The following STAB2 variants were observed in gnomAD, a reference collection of about 807,000 sequenced individuals.
STAB2 encodes the protein stabilin-2.
STAB2 carries 288 observed loss-of-function variants against 338.1 expected under a neutral mutation model. That is an observed-to-expected ratio of 0.85 (90% CI 0.77 to 0.94). The LOEUF is 0.94. Among genes scored for constraint, STAB2 ranks in the 40% least tolerant of loss-of-function variants. The probability of loss-of-function intolerance (pLI) is 0.00; values close to 1 mark genes in which losing one functional copy is unlikely to be tolerated. For synonymous variants in STAB2, 1,202 were observed against 1,193.3 expected, an observed-to-expected ratio of 1.01 and a Z score of -0.15; for missense variants, 3,141 against 3,210.1, an observed-to-expected ratio of 0.98 and a Z score of 0.52.
chr12:103,648,943 G>C (rs1380932979), intron 10 of STAB2, 120 bp downstream of exon 10: 2 of 1,400,728 alleles, frequency 1.4e-6, no homozygotes, highest in Non-Finnish European at 1.9e-6. Flanking sequence ...AGCCTTTTTG[G>C]AGGGGTCATG....
In STAB2 at chr12:103,683,367, A is replaced by G. The variant is rs868525123; in HGVS notation, c.2901+67A>G. 2.1e-5 allele frequency: 30 copies of G among 1,426,744 alleles called. No homozygotes were observed. The African/African-American group carries it at 3.3e-4, about 16-fold the overall frequency. 88.4% of individuals were successfully genotyped at this position (1,426,744 alleles called of 1,614,324 possible). ...AAAAAACAATGCTTGAGAAAGAAAG[A>G]TTATTTCCTGTCTGGCCTAGTGATG... On this transcript the variant is annotated intron_variant, in intron 26 of 68. Coordinates refer to ENST00000388887, the MANE Select transcript of STAB2 (RefSeq NM_017564.10).
At chr12:103,666,983 A>G (rs1875167843) in intron 19 of STAB2, among the ~76,000 whole-genome samples, 1 of 152,244 alleles carries the variant, frequency 6.6e-6, no homozygotes, top group South Asian at 2.1e-4. Flanking sequence ...TTGTGCAATG[A>G]TCTATCATTC....
chr12:103,735,419 G>T, intron 51 of STAB2, 72 bp from the exon 52 acceptor site: 1 of 1,159,188 alleles, frequency 8.6e-7, no homozygotes. Flanking sequence ...TGGTTTTTTG[G>T]TAAAGCTCCT....
chr12:103,723,697 G>T (rs891710517), intron 44 of STAB2, among the ~76,000 whole-genome samples: 1 of 152,208 alleles, frequency 6.6e-6, no homozygotes. Flanking sequence ...GCCCAGGAGG[G>T]CTAGGGATTT....
At chr12:103,724,207 A>G (rs1235118945) in intron 44 of STAB2, among the ~76,000 whole-genome samples, 1 of 152,254 alleles carries the variant, frequency 6.6e-6, no homozygotes, top group Admixed American at 6.5e-5. Flanking sequence ...CAGCACAGCC[A>G]GGACATTGCC....
chr12:103,605,224 G>C (rs1488748885), intron 3 of STAB2, among the ~76,000 whole-genome samples: 5 of 151,776 alleles, frequency 3.3e-5, no homozygotes. Flanking sequence ...AAATTTGTGA[G>C]GTTAAGCTAA....
Position 103,675,946 on chromosome 12 carries a change from A to T in STAB2, c.2571A>T (p.Gly857=). Residue 857 remains glycine, a synonymous_variant, in exon 24 of 69, where the codon GGA becomes GGT. Coordinates refer to ENST00000388887, the MANE Select transcript of STAB2 (RefSeq NM_017564.10). Reference sequence around the variant, plus strand: ...TTTGCAGTTGTATTTGCAAAGCAGGATATGAAGGAGATGGAACTCTGTGTT... The same window carrying T: ...TTTGCAGTTGTATTTGCAAAGCAGGTTATGAAGGAGATGGAACTCTGTGTT... The part of the protein sequence containing the change: ...NGTASCICKA[G]YEGDGTLCSE... The T allele has an allele frequency of 6.2e-7, 1 of 1,610,308 alleles. No individual in the cohort carries two copies.
chr12:103,706,916 G>C lies in STAB2; in HGVS notation c.4121G>C (p.Cys1374Ser). ...GTGAATGGCACAGGTGTGTGTGAGTGTGGGGAGGGCTTCAGCGGCACAGCC... is the reference window on the plus strand; with the variant it reads ...GTGAATGGCACAGGTGTGTGTGAGTCTGGGGAGGGCTTCAGCGGCACAGCC... ...DGVNGTGVCE[C>S]GEGFSGTACE... The change falls in exon 38 of 69, where the codon TGT (cysteine) becomes TCT (serine). Residue 1374 changes from cysteine to serine, a missense_variant. By Grantham distance (112) the Cys-to-Ser change is moderately radical. Coordinates refer to ENST00000388887, the MANE Select transcript of STAB2 (RefSeq NM_017564.10). The C allele has an allele frequency of 1.2e-6, 2 of 1,614,238 alleles. No individual in the cohort carries two copies. The highest frequency in any genetic ancestry group is 1.7e-6 in the Non-Finnish European group (2 of 1,180,046).
At chr12:103,744,368 T>C (rs1386721788) in intron 56 of STAB2, among the ~76,000 whole-genome samples, 1 of 151,614 alleles carries the variant, frequency 6.6e-6, no homozygotes, top group African/African-American at 2.4e-5. Flanking sequence ...CCCAGACTGG[T>C]CTCAAACTCC....
intron 1 of STAB2, among the ~76,000 whole-genome samples, chr12:103,589,971 G>A (rs1956770943): frequency 6.6e-6 from 1 of 152,198 alleles, no homozygotes; most frequent in African/African-American, 2.4e-5. Context: ...CACTTAGCAA[G>A]ATATAGAGTT....
chr12:103,736,136 T>C (rs917098239), intron 52 of STAB2, among the ~76,000 whole-genome samples: 5 of 152,374 alleles, frequency 3.3e-5, no homozygotes, highest in Non-Finnish European at 4.4e-5. Flanking sequence ...GCCAAAATCC[T>C]GTGACTTAAA....
chr12:103,731,445 C>A, intron 49 of STAB2, 131 bp from the exon 50 acceptor site: 1 of 792,650 alleles, frequency 1.3e-6, no homozygotes, highest in Non-Finnish European at 2.0e-6. Context: ...AGAGTTGGAG[C>A]AGGTGCTGAT....
chr12:103,741,935 C>G (rs1882618945), intron 55 of STAB2, among the ~76,000 whole-genome samples: 1 of 152,216 alleles, frequency 6.6e-6, no homozygotes, highest in African/African-American at 2.4e-5. Flanking sequence ...CTCCACCCTC[C>G]ATCACTAAAG....
chr12:103,648,588 G>A (rs1451111141), intron 9 of STAB2, 102 bp from the exon 10 acceptor site: 2 of 1,475,104 alleles, frequency 1.4e-6, no homozygotes, highest in African/African-American at 2.8e-5. Context: ...ATTCAACCCT[G>A]GGCATCCTTT....
In STAB2 at chr12:103,731,647, G is replaced by C. The variant is rs778798967; in HGVS notation, c.5283+12G>C. 1 of 1,610,454 alleles carries C rather than the reference G, an allele frequency of 6.2e-7. No homozygotes were observed. Among genetic ancestry groups the C allele is most frequent in the South Asian group, 1.1e-5 (1 of 89,966 alleles). On this transcript the variant is annotated intron_variant, in intron 50 of 68. Transcript: ENST00000388887. The stretch of plus-strand genomic sequence containing the variant: ...GCAACTTAATACAGGTAAAAATTTA[G>C]GGGAAGTTGACTCAGAGGATAACCT...
At chr12:103,669,494 G>T (rs1405957664) in intron 20 of STAB2, 47 bp from the exon 21 acceptor site, 12 of 1,458,076 alleles carry the variant, frequency 8.2e-6, no homozygotes, top group African/African-American at 1.4e-5. Context: ...TGAGGAATTG[G>T]TGCTCTACTT....
At chr12:103,723,173 G>T (rs1880903243) in intron 44 of STAB2, among the ~76,000 whole-genome samples, 1 of 152,108 alleles carries the variant, frequency 6.6e-6, no homozygotes, top group African/African-American at 2.4e-5. Flanking sequence ...AAGGTGAGGA[G>T]TGGAATGTCA....
chr12:103,759,904 G>A (rs1884413580), intron 65 of STAB2, among the ~76,000 whole-genome samples: 1 of 152,186 alleles, frequency 6.6e-6, no homozygotes, highest in Admixed American at 6.5e-5. Context: ...AAGAACAGTT[G>A]GGATCAAGAG....
intron 20 of STAB2, 25 bp from the exon 21 acceptor site, chr12:103,669,516 G>A (rs1042033442): frequency 6.2e-7 from 1 of 1,603,668 alleles, no homozygotes; most frequent in South Asian, 1.1e-5. Flanking sequence ...GGGGTTCAAA[G>A]GGGAACACGC....
Sources: allele counts gnomAD v4.1 joint callset (sites outside exome capture counted in the v4.1 genomes callset), GRCh38; gene constraint gnomAD v4.1.1; transcripts MANE v1.5; gene names NCBI Gene and HGNC (gene_info 2026-07-23, HGNC 2026-07-21).